Variants in IMMP2L observed in about 807,000 individuals in gnomAD.
IMMP2L encodes the protein inner mitochondrial membrane peptidase subunit 2, also known as mitochondrial inner membrane protease subunit 2.
In IMMP2L, 18 loss-of-function variants were observed where a neutral mutation model predicts 19.3. That is an observed-to-expected ratio of 0.93 (90% CI 0.64 to 1.38). The LOEUF (loss-of-function observed/expected upper bound fraction) is 1.38, where lower values mean the gene tolerates loss of function less well. Among genes scored for constraint, IMMP2L ranks in the 40% most tolerant of loss-of-function variants. IMMP2L has a pLI of 0.00. For synonymous variants in IMMP2L, 76 were observed against 73.0 expected, an observed-to-expected ratio of 1.04 and a Z score of -0.21; for missense variants, 233 against 218.2, an observed-to-expected ratio of 1.07 and a Z score of -0.43.
intron 5 of IMMP2L, among the ~76,000 whole-genome samples, chr7:110,783,462 T>C (rs1799874189): frequency 6.6e-6 from 1 of 151,852 alleles, no homozygotes; most frequent in Non-Finnish European, 1.5e-5. Context: ...CTAAATCATG[T>C]CAGTAAATGC....
chr7:110,818,360 A>G (rs1199404344), intron 5 of IMMP2L, among the ~76,000 whole-genome samples: 2 of 152,212 alleles, frequency 1.3e-5, no homozygotes, highest in East Asian at 1.9e-4. Context: ...GACACATGAA[A>G]AAATGCTCAT....
chr7:111,050,198 T>G (rs1792868210), intron 3 of IMMP2L, among the ~76,000 whole-genome samples: 1 of 152,226 alleles, frequency 6.6e-6, no homozygotes, highest in Non-Finnish European at 1.5e-5. Flanking sequence ...CCTTTTCTAA[T>G]GCAATCAAGT....
intron 3 of IMMP2L, among the ~76,000 whole-genome samples, chr7:111,046,262 T>C (rs1206947137): frequency 1.3e-5 from 2 of 151,026 alleles, no homozygotes; most frequent in Non-Finnish European, 3.0e-5. Context: ...AAGAAAGAAG[T>C]AGAAATTTTC....
chr7:111,221,261 C>T (rs1177928446), intron 3 of IMMP2L, among the ~76,000 whole-genome samples: 3 of 152,018 alleles, frequency 2.0e-5, no homozygotes, highest in African/African-American at 7.2e-5. Context: ...ATCTATTCCG[C>T]TGCTTCTCTC....
At chr7:110,768,164 G>A (rs2131006032) in intron 5 of IMMP2L, among the ~76,000 whole-genome samples, 1 of 152,070 alleles carries the variant, frequency 6.6e-6, no homozygotes, top group East Asian at 1.9e-4. Flanking sequence ...ACAGTGATTG[G>A]GGAAGGCCTC....
intron 3 of IMMP2L, among the ~76,000 whole-genome samples, chr7:111,083,195 A>G (rs1363171389): frequency 2.6e-5 from 4 of 152,204 alleles, no homozygotes; most frequent in Non-Finnish European, 4.4e-5. Context: ...GAGCTGGATA[A>G]TACAATTGTC....
intron 3 of IMMP2L, among the ~76,000 whole-genome samples, chr7:111,095,311 G>A (rs543833350): frequency 9.3e-4 from 142 of 151,966 alleles, no homozygotes; most frequent in African/African-American, 3.2e-3. Flanking sequence ...CTATTTATTG[G>A]AGAGGCCTAG....
At chr7:111,001,527 A>T (rs1206002164) in intron 3 of IMMP2L, among the ~76,000 whole-genome samples, 2 of 152,170 alleles carry the variant, frequency 1.3e-5, no homozygotes, top group Non-Finnish European at 2.9e-5. Flanking sequence ...ATCAAAAGAG[A>T]TCTGGTTTCA....
At chr7:111,099,404 C>G (rs931036279) in intron 3 of IMMP2L, among the ~76,000 whole-genome samples, 3 of 151,734 alleles carry the variant, frequency 2.0e-5, no homozygotes, top group Admixed American at 6.6e-5. Flanking sequence ...GAATAAGCTG[C>G]TAGCCCTGCA....
At chr7:111,539,934 T>C (rs1848369190) in intron 1 of IMMP2L, among the ~76,000 whole-genome samples, 1 of 152,154 alleles carries the variant, frequency 6.6e-6, no homozygotes, top group South Asian at 2.1e-4. Context: ...GTATATTTAT[T>C]CTCTGATGCA....
chr7:111,556,786 T>C (rs1323254610), intron 1 of IMMP2L, among the ~76,000 whole-genome samples: 1 of 152,170 alleles, frequency 6.6e-6, no homozygotes, highest in Non-Finnish European at 1.5e-5. Context: ...TATCCGTATC[T>C]ATGGATACTT....
At chr7:110,929,482 C>T (rs1815236173) in intron 4 of IMMP2L, among the ~76,000 whole-genome samples, 2 of 152,124 alleles carry the variant, frequency 1.3e-5, no homozygotes, top group South Asian at 4.1e-4. Flanking sequence ...CAGTAGAATG[C>T]TTTATAGTTC....
intron 4 of IMMP2L, among the ~76,000 whole-genome samples, chr7:110,892,503 C>T (rs1563059392): frequency 6.6e-6 from 1 of 152,130 alleles, no homozygotes; most frequent in South Asian, 2.1e-4. Flanking sequence ...TGCCTTCGCT[C>T]CTATTAATCT....
chr7:110,999,782 G>T (rs1178856302), intron 3 of IMMP2L, among the ~76,000 whole-genome samples: 1 of 152,136 alleles, frequency 6.6e-6, no homozygotes, highest in African/African-American at 2.4e-5. Flanking sequence ...TGGGGTTGCT[G>T]TTGTGGGCTT....
At chr7:110,836,851 T>C (rs1804533846) in intron 5 of IMMP2L, among the ~76,000 whole-genome samples, 1 of 152,180 alleles carries the variant, frequency 6.6e-6, no homozygotes, top group Non-Finnish European at 1.5e-5. Flanking sequence ...TTTTAAAGAC[T>C]GATAAATCCA....
intron 3 of IMMP2L, among the ~76,000 whole-genome samples, chr7:111,129,767 T>C (rs1801673541): frequency 6.6e-6 from 1 of 152,154 alleles, no homozygotes; most frequent in South Asian, 2.1e-4. Flanking sequence ...AGAGTGACCA[T>C]GGCCTAGATT....
intron 3 of IMMP2L, among the ~76,000 whole-genome samples, chr7:111,209,532 C>A (rs1489604565): frequency 1.3e-5 from 2 of 151,992 alleles, no homozygotes; most frequent in African/African-American, 4.8e-5. Context: ...ATTTCTCTAG[C>A]CTAAATGCCA....
At chr7:110,932,284 A>G (rs896148848) in intron 4 of IMMP2L, among the ~76,000 whole-genome samples, 10 of 152,200 alleles carry the variant, frequency 6.6e-5, no homozygotes, top group Admixed American at 3.9e-4. Flanking sequence ...GAAGTCTTAG[A>G]TGTTTAAGCC....
At chr7:110,774,039 G>T (rs1799216647) in intron 5 of IMMP2L, among the ~76,000 whole-genome samples, 2 of 151,824 alleles carry the variant, frequency 1.3e-5, no homozygotes, top group South Asian at 2.1e-4. Context: ...GCTGTTTAAG[G>T]TTTCTTGTAT....
Sources: allele counts gnomAD v4.1 joint callset (sites outside exome capture counted in the v4.1 genomes callset), GRCh38; gene constraint gnomAD v4.1.1; transcripts MANE v1.5; gene names NCBI Gene and HGNC (gene_info 2026-07-23, HGNC 2026-07-21).